Variants in AK8 observed in about 807,000 individuals in gnomAD.
AK8 encodes ATP-AMP transphosphorylase 8.
In AK8, 44 loss-of-function variants were observed where a neutral mutation model predicts 54.6. The ratio of observed to expected loss-of-function variants is 0.81; its 90% CI spans 0.63 to 1.04. AK8 has a LOEUF of 1.04. Ranked by LOEUF, AK8 falls within the 50% of genes least tolerant of loss-of-function variation. The pLI is 0.00. For synonymous variants in AK8, 239 were observed against 245.6 expected (o/e 0.97, Z 0.25); for missense variants, 555 against 613.6 (o/e 0.90, Z 1.01).
chr9:132,820,663 C>T (rs1273092522), intron 9 of AK8, among the ~76,000 whole-genome samples: 2 of 152,218 alleles, frequency 1.3e-5, no homozygotes, highest in Admixed American at 6.5e-5. Context: ...AAAGTCGTGT[C>T]CGTATATACT....
chr9:132,731,044 T>C (rs1425036518), intron 11 of AK8, among the ~76,000 whole-genome samples: 3 of 152,208 alleles, frequency 2.0e-5, no homozygotes, highest in African/African-American at 7.2e-5. Context: ...GTATGGATCA[T>C]AATCCTGAAA....
chr9:132,859,492 G>A (rs1341484436), intron 4 of AK8, among the ~76,000 whole-genome samples: 3 of 152,056 alleles, frequency 2.0e-5, no homozygotes, highest in African/African-American at 4.8e-5. Flanking sequence ...GATTACAGGT[G>A]TAAGCCACTG....
chr9:132,800,833 G>T (rs908541621), intron 10 of AK8, among the ~76,000 whole-genome samples: 1 of 151,778 alleles, frequency 6.6e-6, no homozygotes, highest in Non-Finnish European at 1.5e-5. Flanking sequence ...CAGGCAAAAG[G>T]CAAAGACAAG....
At chr9:132,819,022 G>A (rs1841458874) in intron 9 of AK8, among the ~76,000 whole-genome samples, 2 of 151,948 alleles carry the variant, frequency 1.3e-5, no homozygotes, top group Admixed American at 1.3e-4. Flanking sequence ...AAGAAAATGA[G>A]TATTGCTAGA....
intron 11 of AK8, among the ~76,000 whole-genome samples, chr9:132,751,354 A>C (rs2131015714): frequency 6.8e-6 from 1 of 147,912 alleles, no homozygotes; most frequent in South Asian, 2.2e-4. Context: ...ACTGCCCTCC[A>C]GCCAGGATGA....
chr9:132,748,292 C>G (rs1837749755), intron 11 of AK8, among the ~76,000 whole-genome samples: 2 of 151,718 alleles, frequency 1.3e-5, no homozygotes, highest in South Asian at 4.2e-4. Flanking sequence ...CTGAGCAGTG[C>G]TCTCAGTCTC....
intron 1 of AK8, among the ~76,000 whole-genome samples, chr9:132,876,782 A>T (rs77616209): frequency 0.018 from 2,806 of 152,310 alleles, 101 homozygotes; most frequent in African/African-American, 0.064. Flanking sequence ...CAGATGACTA[A>T]GGACTGGAAA....
At chr9:132,855,365 G>A (rs755727663) in intron 4 of AK8, among the ~76,000 whole-genome samples, 4 of 152,120 alleles carry the variant, frequency 2.6e-5, no homozygotes, top group Non-Finnish European at 5.9e-5. Context: ...TCCCCAGGAA[G>A]TTGTAAAGCT....
At chr9:132,817,337 C>T (rs1467822567) in intron 9 of AK8, among the ~76,000 whole-genome samples, 1 of 152,146 alleles carries the variant, frequency 6.6e-6, no homozygotes. Context: ...TAATCAAAAG[C>T]TCCTTGACAT....
intron 11 of AK8, among the ~76,000 whole-genome samples, chr9:132,740,986 C>G (rs1342661402): frequency 6.6e-6 from 1 of 152,192 alleles, no homozygotes; most frequent in Non-Finnish European, 1.5e-5. Flanking sequence ...CCAGTCAGGA[C>G]CCTCGCTATC....
At chr9:132,772,316 A>G (rs1285840843) in intron 11 of AK8, among the ~76,000 whole-genome samples, 1 of 152,258 alleles carries the variant, frequency 6.6e-6, no homozygotes, top group Non-Finnish European at 1.5e-5. Flanking sequence ...TTCACCTGTG[A>G]AGCCCTCACC....
intron 4 of AK8, among the ~76,000 whole-genome samples, chr9:132,855,412 C>T (rs1843137622): frequency 6.6e-6 from 1 of 152,208 alleles, no homozygotes; most frequent in African/African-American, 2.4e-5. Flanking sequence ...TGACTCTGGA[C>T]TCCAGACAGT....
At chr9:132,867,451 G>A (rs1488922444) in intron 2 of AK8, among the ~76,000 whole-genome samples, 2 of 152,264 alleles carry the variant, frequency 1.3e-5, no homozygotes, top group African/African-American at 2.4e-5. Context: ...AGGAAAGTCT[G>A]TTTTCAAAGA....
At chr9:132,778,647 A>G (rs1839329199) in intron 11 of AK8, among the ~76,000 whole-genome samples, 1 of 152,212 alleles carries the variant, frequency 6.6e-6, no homozygotes, top group Admixed American at 6.5e-5. Context: ...TTGTCCCCCA[A>G]AAGAAATTGT....
Position 132,801,874 on chromosome 9 carries a change from T to A in AK8, c.980-9099A>T, listed in dbSNP as rs750712871. 2.6e-5 allele frequency among the ~76,000 whole-genome samples: 4 copies of A among 152,248 alleles called. No homozygotes were observed. In the East Asian group the frequency reaches 7.7e-4, roughly 29 times the overall value. On this transcript the variant is annotated intron_variant, in intron 10 of 12. Transcript: ENST00000298545. Reference sequence around the variant, plus strand: ...CTAAGGCACAGGAAGAGGAAGTGACTTGCCCATGGCCATACAGCTCACAGG... The same window carrying A: ...CTAAGGCACAGGAAGAGGAAGTGACATGCCCATGGCCATACAGCTCACAGG...
Position 132,828,008 on chromosome 9 carries a change from C to T in AK8, c.556+5G>A. 6.4e-7 allele frequency: 1 copy of T among 1,561,076 alleles called. No homozygotes were observed. The highest frequency in any genetic ancestry group is 8.7e-7 in the Non-Finnish European group (1 of 1,151,612). On this transcript the variant is annotated splice_donor_5th_base_variant and intron_variant, in intron 7 of 12. Coordinates refer to ENST00000298545, the MANE Select transcript of AK8 (RefSeq NM_152572.3). The stretch of plus-strand genomic sequence containing the variant: ...GGGGCTGGGTGGGGGTGGCCGTAGC[C>T]ATACCTCCAGTTTGAGGGTCGATTC...
At position 132,790,048 on chromosome 9, in the gene AK8, T is replaced by G. The variant is rs1337849093; in HGVS notation, c.1121+2586A>C. ...GGGGCAAAGGTCCTAAGGGTCAAAA[T>G]TCTATCTGCCACAAGCAGTAGAATA... On this transcript the variant is annotated intron_variant, in intron 11 of 12. Transcript: ENST00000298545. This position sits in a 1 kb window ranked among gnomAD's most constrained non-coding sequence, Gnocchi z 4.1. 6.6e-6 allele frequency among the ~76,000 whole-genome samples: 1 copy of G among 152,212 alleles called. No homozygotes were observed. The highest frequency in any genetic ancestry group is 1.5e-5 in the Non-Finnish European group (1 of 68,044).
At chr9:132,831,168 G>A (rs1442084216) in intron 5 of AK8, among the ~76,000 whole-genome samples, 1 of 151,344 alleles carries the variant, frequency 6.6e-6, no homozygotes, top group Non-Finnish European at 1.5e-5. Flanking sequence ...TTATCGTAAT[G>A]TCTAGTAAAA....
intron 11 of AK8, among the ~76,000 whole-genome samples, chr9:132,754,267 T>A (rs1838085099): frequency 6.6e-6 from 1 of 152,182 alleles, no homozygotes; most frequent in Non-Finnish European, 1.5e-5. Context: ...TGTATTTCAG[T>A]TTGGGATAGA....
Sources: allele counts gnomAD v4.1 joint callset (sites outside exome capture counted in the v4.1 genomes callset), GRCh38; gene constraint gnomAD v4.1.1; non-coding constraint Gnocchi (gnomAD v3.1); transcripts MANE v1.5; gene names NCBI Gene and HGNC (gene_info 2026-07-23, HGNC 2026-07-21).